Variants in DYM observed in about 807,000 individuals in gnomAD.
The protein encoded by DYM is dymeclin.
In DYM, 78 loss-of-function variants were observed where a neutral mutation model predicts 93.1. That is an observed-to-expected ratio of 0.84 (90% CI 0.70 to 1.01). DYM has a LOEUF of 1.01. Ranked by LOEUF, DYM falls within the 50% of genes least tolerant of loss-of-function variation. DYM has a pLI of 0.00. For synonymous variants in DYM, 321 were observed against 319.7 expected, an observed-to-expected ratio of 1.00 and a Z score of -0.04; for missense variants, 789 against 845.0, an observed-to-expected ratio of 0.93 and a Z score of 0.82.
chr18:49,090,462 G>A (rs1185248895), intron 17 of DYM, among the ~76,000 whole-genome samples: 2 of 152,224 alleles, frequency 1.3e-5, no homozygotes, highest in Non-Finnish European at 2.9e-5. Flanking sequence ...AAAGTCAAAT[G>A]ACGTCATTTG....
intron 13 of DYM, among the ~76,000 whole-genome samples, chr18:49,218,382 A>G (rs894428357): frequency 7.9e-5 from 12 of 152,338 alleles, no homozygotes; most frequent in African/African-American, 2.6e-4. Context: ...CAGGAATTGA[A>G]CTCAGCTCTG....
At chr18:49,106,382 A>C (rs2080813076) in intron 16 of DYM, among the ~76,000 whole-genome samples, 1 of 152,170 alleles carries the variant, frequency 6.6e-6, no homozygotes, top group Non-Finnish European at 1.5e-5. Flanking sequence ...GTGTCTTTTA[A>C]TTGGAGCATT....
At chr18:49,253,315 C>T (rs760057506) in intron 13 of DYM, among the ~76,000 whole-genome samples, 12 of 152,120 alleles carry the variant, frequency 7.9e-5, no homozygotes, top group Non-Finnish European at 7.3e-5. Context: ...CTGTAATAAC[C>T]CTTCTGGGTA....
rs138355796 is a variant in DYM at position 49,331,201 on chromosome 18, G to A, written c.763+663C>T. On this transcript the variant is annotated intron_variant, in intron 8 of 17. Transcript: ENST00000675505. ...CCGACCTCACAAGTACCAAAGTGTCGCTCTAGGAAGTTTCATTTATATAAC... is the reference window on the plus strand; with the variant it reads ...CCGACCTCACAAGTACCAAAGTGTCACTCTAGGAAGTTTCATTTATATAAC... 2.3e-4 allele frequency among the ~76,000 whole-genome samples: 35 copies of A among 152,290 alleles called. No homozygotes were observed. In the East Asian group the frequency reaches 5.4e-3, roughly 23 times the overall value.
chr18:49,398,367 T>A (rs2070379314), intron 2 of DYM, among the ~76,000 whole-genome samples: 1 of 152,156 alleles, frequency 6.6e-6, no homozygotes, highest in Admixed American at 6.6e-5. Flanking sequence ...GTGCAGCATG[T>A]CTCCGCTCCT....
chr18:49,213,354 T>C (rs1295147486), intron 13 of DYM, among the ~76,000 whole-genome samples: 1 of 151,266 alleles, frequency 6.6e-6, no homozygotes. Flanking sequence ...TGGAGTGCAA[T>C]GGCATGATCT....
intron 17 of DYM, among the ~76,000 whole-genome samples, chr18:49,055,949 C>A (rs373533165): frequency 1.3e-5 from 2 of 152,176 alleles, no homozygotes; most frequent in East Asian, 3.9e-4. Flanking sequence ...AATGGAACAA[C>A]GGCTTCCCGC....
intron 8 of DYM, among the ~76,000 whole-genome samples, chr18:49,289,744 T>TATATATATACAC (rs2059935451): frequency 2.9e-5 from 1 of 34,296 alleles, no homozygotes; most frequent in African/African-American, 1.3e-4. Flanking sequence ...TATATATATA[T>TATATATATACAC]ATATATATAT....
chr18:49,362,938 A>AT (rs2147356236), intron 6 of DYM, among the ~76,000 whole-genome samples: 1 of 152,344 alleles, frequency 6.6e-6, no homozygotes, highest in East Asian at 1.9e-4. Flanking sequence ...CATATTCTTA[A>AT]TATAGTTTCA....
intron 13 of DYM, among the ~76,000 whole-genome samples, chr18:49,256,556 T>C (rs986375584): frequency 6.6e-6 from 1 of 152,216 alleles, no homozygotes; most frequent in African/African-American, 2.4e-5. Context: ...AATTTTAAAA[T>C]GACCAGTTTG....
intron 2 of DYM, among the ~76,000 whole-genome samples, chr18:49,406,514 T>C (rs919416250): frequency 6.6e-6 from 1 of 152,056 alleles, no homozygotes; most frequent in Non-Finnish European, 1.5e-5. Context: ...AGAGCCGAGA[T>C]CATGCCACTG....
At chr18:49,445,945 T>C (rs2082056887) in intron 1 of DYM, among the ~76,000 whole-genome samples, 1 of 152,106 alleles carries the variant, frequency 6.6e-6, no homozygotes, top group Non-Finnish European at 1.5e-5. Flanking sequence ...AAACACTATA[T>C]TAACCAAGAA....
chr18:49,273,760 A>G (rs1034407005), intron 10 of DYM, among the ~76,000 whole-genome samples: 3 of 151,816 alleles, frequency 2.0e-5, no homozygotes, highest in Non-Finnish European at 4.4e-5. Flanking sequence ...CACCTAATAA[A>G]ACATTTCTCA....
At chr18:49,348,671 G>A (rs576729513) in intron 6 of DYM, among the ~76,000 whole-genome samples, 24 of 152,088 alleles carry the variant, frequency 1.6e-4, no homozygotes, top group African/African-American at 5.3e-4. Context: ...CACTTTGGGA[G>A]GCCAAGGCGA....
intron 6 of DYM, among the ~76,000 whole-genome samples, chr18:49,352,492 G>A (rs2078286): frequency 0.31 from 46,933 of 152,074 alleles, 8,373 homozygotes; most frequent in Middle Eastern, 0.46. Context: ...AGATCACGCT[G>A]TACTTCTTGC....
intron 17 of DYM, among the ~76,000 whole-genome samples, chr18:49,086,258 G>A (rs1280147553): frequency 1.3e-5 from 2 of 152,212 alleles, no homozygotes; most frequent in Non-Finnish European, 2.9e-5. Flanking sequence ...GTTCTTGCTG[G>A]TGGAGACCCT....
chr18:49,079,962 C>G (rs2145123096), intron 17 of DYM, among the ~76,000 whole-genome samples: 1 of 151,198 alleles, frequency 6.6e-6, no homozygotes, highest in South Asian at 2.1e-4. Flanking sequence ...AGGGGCTCCT[C>G]ACTTCCCAGT....
At chr18:49,379,552 A>G (rs775888093) in intron 4 of DYM, 113 bp downstream of exon 4, 1 of 951,306 alleles carries the variant, frequency 1.1e-6, no homozygotes, top group Non-Finnish European at 1.7e-6. Context: ...AATAATGAGA[A>G]TAATTCCTTC....
At chr18:49,322,324 T>A (rs2062548951) in intron 8 of DYM, among the ~76,000 whole-genome samples, 1 of 152,146 alleles carries the variant, frequency 6.6e-6, no homozygotes, top group South Asian at 2.1e-4. Flanking sequence ...ACACATTTAA[T>A]TAGATTTGAC....
Sources: allele counts gnomAD v4.1 joint callset (sites outside exome capture counted in the v4.1 genomes callset), GRCh38; gene constraint gnomAD v4.1.1; transcripts MANE v1.5; gene names NCBI Gene and HGNC (gene_info 2026-07-23, HGNC 2026-07-21).